The following ATP6V1G3 variants were observed in gnomAD, a reference collection of about 807,000 sequenced individuals.
The protein encoded by ATP6V1G3 is ATPase H+ transporting V1 subunit G3.
A neutral mutation model predicts 9.3 loss-of-function variants in ATP6V1G3; 9 were observed. The ratio of observed to expected loss-of-function variants is 0.97; its 90% confidence interval spans 0.59 to 1.69. The LOEUF is 1.69. Ranked by LOEUF, ATP6V1G3 falls within the 40% of genes most tolerant of loss-of-function variation. The pLI, the probability that ATP6V1G3 is intolerant of heterozygous loss-of-function variation, is 0.00. For synonymous variants in ATP6V1G3, 43 were observed against 43.8 expected, an observed-to-expected ratio of 0.98 and a Z score of 0.07; for missense variants, 133 against 139.0, an observed-to-expected ratio of 0.96 and a Z score of 0.22.
rs1659519530 is a variant in ATP6V1G3 at position 198,523,367 on chromosome 1, T to C, written c.*24A>G. The C allele has an allele frequency of 6.2e-7, 1 of 1,600,614 alleles. No individual in the cohort carries two copies. The highest frequency in any genetic ancestry group is 8.5e-7 in the Non-Finnish European group (1 of 1,173,992). On this transcript the variant is annotated 3_prime_UTR_variant, in exon 3 of 3. Transcript: ENST00000367382. ...CAGGTGGCACTCACACACCTTTTTTTTTCTTGAAAACTGTGATGTACATTT... is the reference window on the plus strand; with the variant it reads ...CAGGTGGCACTCACACACCTTTTTTCTTCTTGAAAACTGTGATGTACATTT...
intron 1 of ATP6V1G3, among the ~76,000 whole-genome samples, chr1:198,539,056 A>C (rs891539960): frequency 6.6e-6 from 1 of 152,182 alleles, no homozygotes; most frequent in African/African-American, 2.4e-5. Flanking sequence ...TTGTAGAAAA[A>C]GAAATTGAGA....
At chr1:198,531,887 C>G (rs1460348248) in intron 1 of ATP6V1G3, among the ~76,000 whole-genome samples, 4 of 151,562 alleles carry the variant, frequency 2.6e-5, no homozygotes, top group Non-Finnish European at 4.4e-5. Context: ...AAATGATTGA[C>G]AAAAGTAGTT....
chr1:198,532,845 A>G (rs1308712089), intron 1 of ATP6V1G3, among the ~76,000 whole-genome samples: 2 of 152,178 alleles, frequency 1.3e-5, no homozygotes, highest in Non-Finnish European at 2.9e-5. Context: ...GCTGGAGCAA[A>G]GAGAACAGGA....
intron 1 of ATP6V1G3, among the ~76,000 whole-genome samples, chr1:198,538,059 T>C (rs1180385569): frequency 6.6e-6 from 1 of 152,182 alleles, no homozygotes; most frequent in Non-Finnish European, 1.5e-5. Flanking sequence ...ACATTCTCCA[T>C]AAAACTGAGT....
intron 2 of ATP6V1G3, among the ~76,000 whole-genome samples, chr1:198,525,064 G>A (rs1285125340): frequency 1.3e-5 from 2 of 152,144 alleles, no homozygotes; most frequent in East Asian, 3.8e-4. Context: ...CAGTTTCTAA[G>A]ACATCAAATA....
chr1:198,527,765 C>G (rs1041101060), intron 2 of ATP6V1G3, among the ~76,000 whole-genome samples: 13 of 151,882 alleles, frequency 8.6e-5, no homozygotes, highest in Admixed American at 2.0e-4. Flanking sequence ...TTTAAAGTCC[C>G]AGAAGGAAAG....
At chr1:198,529,002 C>T in intron 2 of ATP6V1G3, 79 bp downstream of exon 2, 1 of 594,456 alleles carries the variant, frequency 1.7e-6, no homozygotes, top group Non-Finnish European at 2.8e-6. Flanking sequence ...TTTTTTCTGT[C>T]AATATCCTAT....
chr1:198,523,945 G>C (rs538783639), intron 2 of ATP6V1G3, among the ~76,000 whole-genome samples: 188 of 152,172 alleles, frequency 1.2e-3, no homozygotes, highest in Non-Finnish European at 2.1e-3. Context: ...GGAAAACAGA[G>C]TTGAAAGACA....
intron 1 of ATP6V1G3, among the ~76,000 whole-genome samples, chr1:198,532,552 G>A (rs1335648575): frequency 6.6e-6 from 1 of 152,130 alleles, no homozygotes; most frequent in East Asian, 1.9e-4. Context: ...ATAGAAAATG[G>A]ACAATAAGTA....
rs1389673291 is a variant in ATP6V1G3, at chr1:198,523,353, C to T, written c.*38G>A. The stretch of plus-strand genomic sequence containing the variant: ...AAGCCATAAGCAACCAGGTGGCACT[C>T]ACACACCTTTTTTTTTCTTGAAAAC... On this transcript the variant is annotated 3_prime_UTR_variant, in exon 3 of 3. Coordinates refer to ENST00000367382, the MANE Select transcript of ATP6V1G3 (RefSeq NM_001376861.1). 7 of 1,589,088 alleles carry T rather than the reference C, an allele frequency of 4.4e-6. No individual in the cohort carries two copies. Among genetic ancestry groups the T allele is most frequent in the Non-Finnish European group, 6.0e-6 (7 of 1,166,704 alleles).
At chr1:198,524,365 C>T (rs1487940811) in intron 2 of ATP6V1G3, among the ~76,000 whole-genome samples, 10 of 151,980 alleles carry the variant, frequency 6.6e-5, no homozygotes, top group South Asian at 2.1e-4. Flanking sequence ...CCTGGTAATC[C>T]GCCTTCCTCA....
chr1:198,538,005 C>G (rs910289318), intron 1 of ATP6V1G3, among the ~76,000 whole-genome samples: 4 of 152,204 alleles, frequency 2.6e-5, no homozygotes, highest in Non-Finnish European at 4.4e-5. Context: ...CCAGTTAAAA[C>G]TGACCTCAAC....
At chr1:198,538,256 G>A (rs10754249) in intron 1 of ATP6V1G3, among the ~76,000 whole-genome samples, 56,803 of 152,012 alleles carry the variant, frequency 0.37, 12,829 homozygotes, top group African/African-American at 0.62. Flanking sequence ...AAATAAGACA[G>A]TATGTACTTT....
intron 1 of ATP6V1G3, among the ~76,000 whole-genome samples, chr1:198,538,153 C>T (rs1160205666): frequency 6.6e-6 from 1 of 152,048 alleles, no homozygotes; most frequent in Non-Finnish European, 1.5e-5. Context: ...TGAATATCCC[C>T]TTGAATATTC....
rs140007283 is a variant in ATP6V1G3, at chr1:198,537,213, T to C, written c.82+3356A>G. ...CATCAGGTTCATAATCCCTTATCAG[T>C]ATCCCTAAAGGCAAAACACTTAGAC... On this transcript the variant is annotated intron_variant, in intron 1 of 2. Coordinates refer to ENST00000367382, the MANE Select transcript of ATP6V1G3 (RefSeq NM_001376861.1). Among the ~76,000 whole-genome samples the C allele has an allele frequency of 2.1e-4, 32 of 152,248 alleles. No homozygotes were observed. In the East Asian group the frequency reaches 5.2e-3, roughly 25 times the overall value.
intron 1 of ATP6V1G3, among the ~76,000 whole-genome samples, chr1:198,535,709 T>A (rs755523203): frequency 1.1e-4 from 16 of 152,130 alleles, no homozygotes; most frequent in Non-Finnish European, 1.8e-4. Flanking sequence ...ACTCAGTTAA[T>A]CATGACAACT....
intron 2 of ATP6V1G3, among the ~76,000 whole-genome samples, chr1:198,525,302 C>T (rs1659612256): frequency 6.6e-6 from 1 of 152,026 alleles, no homozygotes; most frequent in Non-Finnish European, 1.5e-5. Context: ...AAATTAAAAA[C>T]AAACTGTTGT....
intron 1 of ATP6V1G3, among the ~76,000 whole-genome samples, chr1:198,530,187 T>G (rs1424032307): frequency 6.6e-6 from 1 of 152,144 alleles, no homozygotes; most frequent in Admixed American, 6.6e-5. Flanking sequence ...TTTTACCCAT[T>G]TTATAGTTTT....
intron 1 of ATP6V1G3, among the ~76,000 whole-genome samples, chr1:198,530,456 A>C (rs1211463790): frequency 6.6e-6 from 1 of 152,308 alleles, no homozygotes. Flanking sequence ...ATAAAAATAG[A>C]GTCACTGAGT....
Sources: gnomAD v4.1 joint callset for allele counts (sites outside exome capture counted in the v4.1 genomes callset) on GRCh38, gnomAD v4.1.1 for gene constraint, MANE v1.5 for transcripts, NCBI Gene and HGNC (gene_info 2026-07-23, HGNC 2026-07-21) for gene names.